Variants in HDAC9 observed in about 807,000 individuals in gnomAD.
HDAC9 encodes the protein MEF-2 interacting transcription repressor (MITR) protein.
In HDAC9, 41 loss-of-function variants were observed where a neutral mutation model predicts 139.4. That is an observed-to-expected ratio of 0.29 (90% CI 0.23 to 0.38). The LOEUF (loss-of-function observed/expected upper bound fraction) is 0.38, where lower values mean the gene tolerates loss of function less well. Among genes scored for constraint, HDAC9 ranks in the 10% least tolerant of loss-of-function variants. The probability of loss-of-function intolerance (pLI) is 1.00; values close to 1 mark genes in which losing one functional copy is unlikely to be tolerated. For synonymous variants in HDAC9, 517 were observed against 476.2 expected (o/e 1.09, Z -1.12); for missense variants, 1,147 against 1,297.0 (o/e 0.88, Z 1.78).
At chr7:18,935,390 G>T (rs1781558752) in intron 22 of HDAC9, among the ~76,000 whole-genome samples, 1 of 151,952 alleles carries the variant, frequency 6.6e-6, no homozygotes, top group Non-Finnish European at 1.5e-5. Context: ...GTAATATATA[G>T]CAATTTGGGG....
intron 2 of HDAC9, among the ~76,000 whole-genome samples, chr7:18,194,558 T>G (rs986618705): frequency 6.6e-6 from 1 of 152,204 alleles, no homozygotes; most frequent in Non-Finnish European, 1.5e-5. Flanking sequence ...AAGGGCCTCT[T>G]CGATTCTTAA....
chr7:18,145,577 A>C (rs1786253663), intron 1 of HDAC9, among the ~76,000 whole-genome samples: 1 of 152,240 alleles, frequency 6.6e-6, no homozygotes, highest in African/African-American at 2.4e-5. Flanking sequence ...ATAGCATTCA[A>C]ATAATTGAAT....
intron 12 of HDAC9, among the ~76,000 whole-genome samples, chr7:18,673,875 TCTC>T (rs1795805870): frequency 1.3e-5 from 2 of 152,046 alleles, no homozygotes; most frequent in African/African-American, 4.8e-5. Flanking sequence ...TAAAGATCCT[TCTC>T]CTTTACCTTA....
At chr7:18,466,991 C>A (rs1163132604) in intron 1 of HDAC9, among the ~76,000 whole-genome samples, 1 of 152,086 alleles carries the variant, frequency 6.6e-6, no homozygotes, top group African/African-American at 2.4e-5. Context: ...TCTCTAAGCA[C>A]TCTTATTTTT....
At chr7:18,485,773 G>T (rs560705482) in intron 1 of HDAC9, among the ~76,000 whole-genome samples, 19 of 152,206 alleles carry the variant, frequency 1.2e-4, no homozygotes, top group Admixed American at 1.0e-3. Context: ...TGAGAGAATT[G>T]TGACTCAGAA....
At chr7:18,847,684 G>C (rs980624853) in intron 21 of HDAC9, among the ~76,000 whole-genome samples, 7 of 152,204 alleles carry the variant, frequency 4.6e-5, no homozygotes, top group Admixed American at 3.9e-4. Context: ...CAAAAACGAG[G>C]AAGTCTCCCC....
chr7:18,209,835 G>A (rs1791804609), intron 2 of HDAC9, among the ~76,000 whole-genome samples: 1 of 151,948 alleles, frequency 6.6e-6, no homozygotes, highest in Non-Finnish European at 1.5e-5. Flanking sequence ...AGAGTAGCTG[G>A]GACTACGGGC....
chr7:18,938,133 C>A (rs1362180714), intron 23 of HDAC9, among the ~76,000 whole-genome samples: 1 of 148,930 alleles, frequency 6.7e-6, no homozygotes, highest in East Asian at 2.0e-4. Context: ...ATGAAATACA[C>A]TGCTTTTGTA....
At chr7:18,864,291 G>A (rs1157034820) in intron 21 of HDAC9, among the ~76,000 whole-genome samples, 1 of 152,122 alleles carries the variant, frequency 6.6e-6, no homozygotes, top group East Asian at 1.9e-4. Context: ...GACAAATACT[G>A]CATGATTTCA....
intron 2 of HDAC9, among the ~76,000 whole-genome samples, chr7:18,273,245 T>A (rs1422832383): frequency 4.0e-4 from 61 of 151,944 alleles, no homozygotes; most frequent in African/African-American, 1.3e-3. Context: ...TGTTAAACTT[T>A]TTTTGTAGAT....
At chr7:18,381,198 CAAAAAAAAAAAAAA>C (rs60825586) in intron 1 of HDAC9, among the ~76,000 whole-genome samples, 1 of 73,340 alleles carries the variant, frequency 1.4e-5, no homozygotes, top group Admixed American at 2.1e-4. Context: ...GACTCTGTCT[CAAAAAAAAAAAAAA>C]AAAAAAAAGG....
chr7:18,320,514 A>G (rs768283957), intron 1 of HDAC9, among the ~76,000 whole-genome samples: 7 of 152,116 alleles, frequency 4.6e-5, no homozygotes, highest in Non-Finnish European at 7.4e-5. Flanking sequence ...CACGTTAACT[A>G]ATCACCAGCA....
At chr7:18,802,681 C>T (rs146526820) in intron 17 of HDAC9, among the ~76,000 whole-genome samples, 3,111 of 151,738 alleles carry the variant, frequency 0.021, 40 homozygotes, top group Non-Finnish European at 0.031. Context: ...TATTTAAAAA[C>T]TCTGTTATTA....
chr7:18,798,899 G>C (rs886251300), intron 17 of HDAC9, among the ~76,000 whole-genome samples: 1 of 152,100 alleles, frequency 6.6e-6, no homozygotes. Flanking sequence ...TGCATACTCA[G>C]ATTTGTGTTC....
intron 2 of HDAC9, among the ~76,000 whole-genome samples, chr7:18,502,987 G>A (rs969983438): frequency 1.3e-5 from 2 of 152,098 alleles, no homozygotes; most frequent in African/African-American, 4.8e-5. Flanking sequence ...TTCGCCAGTA[G>A]GTTGTCACAA....
intron 2 of HDAC9, among the ~76,000 whole-genome samples, chr7:18,525,751 A>G (rs1422638554): frequency 1.3e-5 from 2 of 152,198 alleles, no homozygotes; most frequent in Non-Finnish European, 2.9e-5. Flanking sequence ...AACTAAGTCT[A>G]GTCTTTCAGA....
chr7:18,211,575 T>C (rs951209261), intron 2 of HDAC9, among the ~76,000 whole-genome samples: 6 of 152,200 alleles, frequency 3.9e-5, no homozygotes, highest in African/African-American at 1.2e-4. Context: ...CATCCACTAG[T>C]GTCTACTTAA....
chr7:18,512,435 T>C (rs1166418863), intron 2 of HDAC9, among the ~76,000 whole-genome samples: 1 of 152,136 alleles, frequency 6.6e-6, no homozygotes, highest in Non-Finnish European at 1.5e-5. Context: ...AATGAAACTT[T>C]TATGGAAAAA....
chr7:18,172,167 T>G (rs932618019), intron 2 of HDAC9, among the ~76,000 whole-genome samples: 1 of 152,216 alleles, frequency 6.6e-6, no homozygotes, highest in Non-Finnish European at 1.5e-5. Context: ...CCTTGTTTAG[T>G]CTTGGGAGGG....
Sources: gnomAD v4.1 joint callset for allele counts (sites outside exome capture counted in the v4.1 genomes callset) on GRCh38, gnomAD v4.1.1 for gene constraint, MANE v1.5 for transcripts, NCBI Gene and HGNC (gene_info 2026-07-23, HGNC 2026-07-21) for gene names.